Variants in FBXL17 observed in about 807,000 individuals in gnomAD.
FBXL17 encodes the protein F-box and leucine rich repeat protein 17.
Under a neutral mutation model 66.2 loss-of-function variants are expected in FBXL17, and 22 were observed. That is an observed-to-expected ratio of 0.33 (90% CI 0.24 to 0.47). FBXL17 has a LOEUF of 0.47. FBXL17 is among the 20% of genes least tolerant of loss of function. The pLI is 1.00. For missense variants in FBXL17, 878 were observed against 948.2 expected (o/e 0.93, Z 0.97); for synonymous variants, 474 against 400.5 (o/e 1.18, Z -2.19).
chr5:108,274,797 T>C (rs1478232708), intron 4 of FBXL17, among the ~76,000 whole-genome samples: 1 of 152,210 alleles, frequency 6.6e-6, no homozygotes, highest in Non-Finnish European at 1.5e-5. Context: ...CTTCAGCTGG[T>C]CCCTCCATTT....
chr5:108,364,679 T>C, intron 3 of FBXL17, 59 bp downstream of exon 3: 1 of 1,348,718 alleles, frequency 7.4e-7, no homozygotes, highest in Non-Finnish European at 1.0e-6. Flanking sequence ...AAAATGTTGT[T>C]GCTAGAAAAC....
At chr5:108,315,347 T>C (rs939829469) in intron 4 of FBXL17, among the ~76,000 whole-genome samples, 10 of 151,404 alleles carry the variant, frequency 6.6e-5, no homozygotes, top group African/African-American at 9.7e-5. Flanking sequence ...GATTCTTCCA[T>C]TTATAATTTA....
At chr5:107,872,662 T>C (rs1459865618) in intron 8 of FBXL17, among the ~76,000 whole-genome samples, 4 of 152,120 alleles carry the variant, frequency 2.6e-5, no homozygotes, top group Non-Finnish European at 4.4e-5. Context: ...CCCACAGATC[T>C]TATATTCTAG....
At position 108,207,863 on chromosome 5, in the gene FBXL17, G is replaced by T. The variant is rs1378921021; in HGVS notation, c.1614+16258C>A. On this transcript the variant is annotated intron_variant, in intron 5 of 8. Coordinates refer to ENST00000542267, the MANE Select transcript of FBXL17 (RefSeq NM_001163315.3). Reference sequence around the variant, plus strand: ...AGTAATGGGATTGCTGGGTCAAATGGTATTTCTAGTTCTAGATCCTTAAGG... The same window carrying T: ...AGTAATGGGATTGCTGGGTCAAATGTTATTTCTAGTTCTAGATCCTTAAGG... Among the ~76,000 whole-genome samples, 6 of 152,140 alleles carry T rather than the reference G, an allele frequency of 3.9e-5. No homozygotes were observed. In the East Asian group the frequency reaches 1.2e-3, roughly 29 times the overall value.
At chr5:108,371,891 G>C (rs184828799) in intron 1 of FBXL17, among the ~76,000 whole-genome samples, 367 of 152,202 alleles carry the variant, frequency 2.4e-3, no homozygotes, top group Middle Eastern at 0.01. Context: ...TTCACTGCAG[G>C]ACGAGACTCA....
At chr5:108,343,784 G>C (rs1027651963) in intron 4 of FBXL17, among the ~76,000 whole-genome samples, 3 of 152,108 alleles carry the variant, frequency 2.0e-5, no homozygotes, top group Non-Finnish European at 4.4e-5. Flanking sequence ...AAATTAAACT[G>C]TCAGTGGCTA....
chr5:107,958,198 C>CTTTA (rs773990801), intron 7 of FBXL17, among the ~76,000 whole-genome samples: 7 of 149,878 alleles, frequency 4.7e-5, no homozygotes, highest in African/African-American at 9.8e-5. Flanking sequence ...CAGGTTCTGT[C>CTTTA]TTTATTTATT....
chr5:107,864,953 C>T (rs1426806058), intron 8 of FBXL17, among the ~76,000 whole-genome samples: 1 of 152,114 alleles, frequency 6.6e-6, no homozygotes. Context: ...ACTTGCCTTC[C>T]TTCTGCCATA....
intron 6 of FBXL17, among the ~76,000 whole-genome samples, chr5:108,061,356 A>C (rs964885733): frequency 1.3e-5 from 2 of 152,060 alleles, no homozygotes; most frequent in African/African-American, 2.4e-5. Flanking sequence ...ATAATTATCC[A>C]CATTTCTCTT....
At chr5:108,328,755 T>C (rs2150232918) in intron 4 of FBXL17, among the ~76,000 whole-genome samples, 1 of 152,180 alleles carries the variant, frequency 6.6e-6, no homozygotes, top group East Asian at 1.9e-4. Flanking sequence ...TATATCTCAA[T>C]ATATTGTAAA....
chr5:108,097,802 A>G (rs913685767), intron 6 of FBXL17, among the ~76,000 whole-genome samples: 5 of 142,802 alleles, frequency 3.5e-5, no homozygotes, highest in Admixed American at 7.0e-5. Flanking sequence ...AAAAAAAATT[A>G]TATCTTCAGA....
intron 7 of FBXL17, among the ~76,000 whole-genome samples, chr5:107,910,590 T>TA (rs1749918055): frequency 1.3e-5 from 2 of 152,020 alleles, no homozygotes. Flanking sequence ...ATATGAGGCA[T>TA]AAAAATTGGA....
intron 8 of FBXL17, among the ~76,000 whole-genome samples, chr5:107,867,650 G>T (rs1164040123): frequency 6.6e-6 from 1 of 152,194 alleles, no homozygotes; most frequent in Non-Finnish European, 1.5e-5. Context: ...TTGTGGACAG[G>T]TCTCCTGACT....
In FBXL17 at chr5:107,868,144, G is replaced by C. The variant is rs1748337215; in HGVS notation, c.1966-6284C>G. On this transcript the variant is annotated intron_variant, in intron 8 of 8. Transcript: ENST00000542267. ...TTCCTATTTCACACAGCTAGCAAATGGTAGCTAGAATTTGAATTCAGGACC... is the reference window on the plus strand; with the variant it reads ...TTCCTATTTCACACAGCTAGCAAATCGTAGCTAGAATTTGAATTCAGGACC... Among the ~76,000 whole-genome samples the C allele has an allele frequency of 2.0e-5, 3 of 152,128 alleles. No individual in the cohort carries two copies. The South Asian group carries it at 6.2e-4, about 31-fold the overall frequency.
At chr5:108,193,443 G>C (rs2150040740) in intron 5 of FBXL17, among the ~76,000 whole-genome samples, 1 of 152,172 alleles carries the variant, frequency 6.6e-6, no homozygotes, top group Middle Eastern at 3.4e-3. Flanking sequence ...AAGACTGCTG[G>C]GAATGAAAAG....
At chr5:107,990,500 C>A (rs549408169) in intron 7 of FBXL17, among the ~76,000 whole-genome samples, 2 of 151,974 alleles carry the variant, frequency 1.3e-5, no homozygotes, top group African/African-American at 4.8e-5. Context: ...ACTTAAAAAC[C>A]GCATTATTTT....
At chr5:108,335,885 T>C (rs917681402) in intron 4 of FBXL17, among the ~76,000 whole-genome samples, 1 of 152,024 alleles carries the variant, frequency 6.6e-6, no homozygotes, top group Non-Finnish European at 1.5e-5. Context: ...GCCATATGGG[T>C]ATACTAGAAA....
rs543839875 is a variant in FBXL17, at chr5:108,152,551, T to C, written c.1745+33566A>G. On this transcript the variant is annotated intron_variant, in intron 6 of 8. Coordinates refer to ENST00000542267, the MANE Select transcript of FBXL17 (RefSeq NM_001163315.3). ...TCAGCAGGATACTGGATTTAAGGAT[T>C]CAGTCTGTCAGCTGATACAGCATGA... 6.6e-5 allele frequency among the ~76,000 whole-genome samples: 10 copies of C among 152,314 alleles called. No homozygotes were observed. In the East Asian group the frequency reaches 1.7e-3, roughly 26 times the overall value.
At position 107,869,084 on chromosome 5, in the gene FBXL17, C is replaced by A. The variant is rs138656432; in HGVS notation, c.1966-7224G>T. ...CCACAGTATATCTGTGAAGGCATCA[C>A]AAATAGCACACTCAGCGCCTGCCTC... On this transcript the variant is annotated intron_variant, in intron 8 of 8. Transcript: ENST00000542267. Among the ~76,000 whole-genome samples, 132 of 152,294 alleles carry A rather than the reference C, an allele frequency of 8.7e-4. 1 individual carries two copies. The highest frequency in any genetic ancestry group is 3.1e-3 in the African/African-American group (127 of 41,564).
Sources: allele counts gnomAD v4.1 joint callset (sites outside exome capture counted in the v4.1 genomes callset), GRCh38; gene constraint gnomAD v4.1.1; transcripts MANE v1.5; gene names NCBI Gene and HGNC (gene_info 2026-07-23, HGNC 2026-07-21).